The following HS1BP3 variants were observed in gnomAD, a reference collection of about 807,000 sequenced individuals.
The protein encoded by HS1BP3 is HCLS1-binding protein 3.
HS1BP3 carries 32 observed loss-of-function variants against 33.5 expected under a neutral mutation model. That is an observed-to-expected ratio of 0.95 (90% CI 0.72 to 1.28). HS1BP3 has a LOEUF of 1.28. Among genes scored for constraint, HS1BP3 ranks in the 50% most tolerant of loss-of-function variants. The probability of loss-of-function intolerance (pLI) is 0.00; values close to 1 mark genes in which losing one functional copy is unlikely to be tolerated. For missense variants in HS1BP3, 486 were observed against 502.3 expected, an observed-to-expected ratio of 0.97 and a Z score of 0.31; for synonymous variants, 187 against 209.2, an observed-to-expected ratio of 0.89 and a Z score of 0.92.
intron 6 of HS1BP3, 112 bp downstream of exon 6, chr2:20,623,784 G>T: frequency 8.0e-7 from 1 of 1,252,844 alleles, no homozygotes; most frequent in South Asian, 1.6e-5. Flanking sequence ...TCACAGGCCT[G>T]GGGTCCTCCC....
intron 4 of HS1BP3, among the ~76,000 whole-genome samples, chr2:20,632,500 C>A (rs1427794705): frequency 6.6e-6 from 1 of 152,206 alleles, no homozygotes; most frequent in Admixed American, 6.5e-5. Flanking sequence ...AGTCAGGAGA[C>A]CCCCAGCTCT....
chr2:20,559,500 G>GGATGGATGGGTA (rs1376254271), downstream of HS1BP3, among the ~76,000 whole-genome samples: 41 of 152,180 alleles, frequency 2.7e-4, no homozygotes, highest in Admixed American at 2.4e-3. Context: ...TTGGATGAAT[G>GGATGGATGGGTA]GATGGATGGG....
rs59149167 is a variant in HS1BP3 at position 20,599,609 on chromosome 2, AACACACAC to A, written c.179-1352_179-1345del. ...AAATGTATTCATGGACTTCTTGTGTAACACACACACACACACACACACACACACACACA... is the reference window on the plus strand; with the variant it reads ...AAATGTATTCATGGACTTCTTGTGTAACACACACACACACACACACACACA... On this transcript the variant is annotated intron_variant, in intron 2 of 3. Coordinates refer to the HS1BP3 transcript ENST00000415264. 6.0e-3 allele frequency among the ~76,000 whole-genome samples: 811 copies of A among 136,252 alleles called. 5 individuals carry two copies. The highest frequency in any genetic ancestry group is 0.013 in the African/African-American group (475 of 36,614). The allele number at this position is 136,252 out of a possible 152,430, so 89.4% of individuals were successfully genotyped here. A position where few individuals can be genotyped will look rare whatever the true frequency, so the allele number is the denominator to read the frequency against.
At chr2:20,606,012 G>T (rs959445847) in intron 2 of HS1BP3, among the ~76,000 whole-genome samples, 6 of 151,976 alleles carry the variant, frequency 3.9e-5, no homozygotes, top group African/African-American at 1.2e-4. Flanking sequence ...ACTTCTTGAG[G>T]AACCACCACA....
chr2:20,621,542 C>T (rs980189994), intron 6 of HS1BP3, among the ~76,000 whole-genome samples: 1 of 152,252 alleles, frequency 6.6e-6, no homozygotes, highest in Non-Finnish European at 1.5e-5. Context: ...CTCCAAGTGG[C>T]AGCCCTTCCT....
At chr2:20,613,836 T>C (rs1279343417), downstream of HS1BP3, among the ~76,000 whole-genome samples, 1 of 152,222 alleles carries the variant, frequency 6.6e-6, no homozygotes, top group Non-Finnish European at 1.5e-5. Flanking sequence ...GGAATGGGCC[T>C]CTGCTTGCTG....
At chr2:20,625,121 G>C (rs1370497630) in intron 4 of HS1BP3, among the ~76,000 whole-genome samples, 1 of 152,238 alleles carries the variant, frequency 6.6e-6, no homozygotes, top group Non-Finnish European at 1.5e-5. Flanking sequence ...ACACGGCCAA[G>C]GGAAGGACAG....
chr2:20,554,893 C>T, the HS1BP3 span, among the ~76,000 whole-genome samples: 1 of 152,140 alleles, frequency 6.6e-6, no homozygotes, highest in African/African-American at 2.4e-5. Context: ...AACCCACTGC[C>T]TTCAGGACAG....
chr2:20,572,156 C>A (rs530980116), intron 5 of HS1BP3, among the ~76,000 whole-genome samples: 10 of 152,310 alleles, frequency 6.6e-5, no homozygotes, highest in Admixed American at 5.9e-4. Context: ...AGGGGCAGGG[C>A]GGCCCAGGGG....
intron 5 of HS1BP3, chr2:20,560,643 A>G: frequency 6.6e-6 from 1 of 152,228 alleles, no homozygotes; most frequent in Admixed American, 6.5e-5. Flanking sequence ...CAGTTTTCTC[A>G]TTTGACAGAG....
chr2:20,622,466 C>T (rs1694636880), intron 6 of HS1BP3: 1 of 448,826 alleles, frequency 2.2e-6, no homozygotes, highest in Non-Finnish European at 4.1e-6. Flanking sequence ...AGTGGGGGGC[C>T]CAGGGATGAA....
rs776504819 is a variant in HS1BP3, at chr2:20,619,068, G to T, written c.1098C>A (p.Ile366=). Residue 366 remains isoleucine (I), a synonymous_variant, in exon 7 of 7, where the codon ATC becomes ATA. Coordinates refer to ENST00000304031, the MANE Select transcript of HS1BP3 (RefSeq NM_022460.4). ...VAGQQKPQEQ[I]QAMDEMDILQ... ...AGATGTCCATCTCGTCCATGGCTTG[G>T]ATCTGCTCCTGCGGCTTCTGCTGCC... is the stretch of plus-strand genomic sequence containing the variant. The T allele has an allele frequency of 1.2e-6, 2 of 1,614,190 alleles. No homozygotes were observed. Among genetic ancestry groups the T allele is most frequent in the South Asian group, 2.2e-5 (2 of 91,086 alleles).
At chr2:20,609,848 C>CA (rs1266942005) in intron 2 of HS1BP3, among the ~76,000 whole-genome samples, 1 of 152,112 alleles carries the variant, frequency 6.6e-6, no homozygotes, top group Non-Finnish European at 1.5e-5. Context: ...CCCCTTGACT[C>CA]AGTTTTTCCC....
At chr2:20,560,079 G>A (rs368494404), downstream of HS1BP3, among the ~76,000 whole-genome samples, 1 of 152,174 alleles carries the variant, frequency 6.6e-6, no homozygotes, top group Non-Finnish European at 1.5e-5. Flanking sequence ...GCACATACAA[G>A]CAGGGCTGGG....
downstream of HS1BP3, among the ~76,000 whole-genome samples, chr2:20,588,148 A>G: frequency 6.6e-6 from 1 of 152,128 alleles, no homozygotes; most frequent in South Asian, 2.1e-4. Flanking sequence ...AGACCAAAAT[A>G]TAGTTTACAA....
intron 1 of HS1BP3, among the ~76,000 whole-genome samples, chr2:20,646,941 G>A (rs144883290): frequency 8.5e-5 from 13 of 152,362 alleles, no homozygotes; most frequent in African/African-American, 2.6e-4. Flanking sequence ...GGTCTCACCC[G>A]GCATGAGGTG....
At chr2:20,627,083 G>A (rs957857065) in intron 4 of HS1BP3, among the ~76,000 whole-genome samples, 2 of 152,236 alleles carry the variant, frequency 1.3e-5, no homozygotes, top group African/African-American at 4.8e-5. Context: ...CGCAGCCACT[G>A]TTCTGCCCGA....
At chr2:20,569,936 C>A (rs1050952619) in intron 5 of HS1BP3, among the ~76,000 whole-genome samples, 1 of 152,238 alleles carries the variant, frequency 6.6e-6, no homozygotes, top group African/African-American at 2.4e-5. Context: ...GGATCAGGAC[C>A]CTCTGCCTGG....
At chr2:20,563,102 C>G (rs894383246) in intron 5 of HS1BP3, among the ~76,000 whole-genome samples, 1 of 152,244 alleles carries the variant, frequency 6.6e-6, no homozygotes, top group African/African-American at 2.4e-5. Context: ...CAGAGAGAGA[C>G]TGTGAAGGCG....
Sources: allele counts gnomAD v4.1 joint callset (sites outside exome capture counted in the v4.1 genomes callset), GRCh38; gene constraint gnomAD v4.1.1; transcripts MANE v1.5; gene names NCBI Gene and HGNC (gene_info 2026-07-23, HGNC 2026-07-21).